The following COG5 variants were observed in gnomAD, a reference collection of about 807,000 sequenced individuals.
COG5 encodes component of oligomeric golgi complex 5.
In COG5, 86 loss-of-function variants were observed where a neutral mutation model predicts 110.4. The observed-to-expected ratio is 0.78, with a 90% CI of 0.65 to 0.93. The LOEUF (loss-of-function observed/expected upper bound fraction) is 0.93. Ranked by LOEUF, COG5 falls within the 40% of genes least tolerant of loss-of-function variation. The pLI, the probability that COG5 is intolerant of heterozygous loss-of-function variation, is 0.00. For synonymous variants in COG5, 360 were observed against 334.6 expected (o/e 1.08, Z -0.83); for missense variants, 1,077 against 987.0 (o/e 1.09, Z -1.22).
chr7:107,537,603 G>A (rs190224367), intron 5 of COG5, among the ~76,000 whole-genome samples: 1 of 152,232 alleles, frequency 6.6e-6, no homozygotes, highest in Admixed American at 6.5e-5. Flanking sequence ...GGGGCCAAGG[G>A]GGAGGGATAG....
chr7:107,370,094 T>C (rs1263825037), intron 8 of COG5, among the ~76,000 whole-genome samples: 1 of 152,140 alleles, frequency 6.6e-6, no homozygotes, highest in Non-Finnish European at 1.5e-5. Context: ...TATTTATATT[T>C]ATATATGTGC....
At chr7:107,342,126 C>T (rs1420431732) in intron 10 of COG5, among the ~76,000 whole-genome samples, 2 of 151,972 alleles carry the variant, frequency 1.3e-5, no homozygotes, top group Non-Finnish European at 2.9e-5. Flanking sequence ...AACTATGCAT[C>T]CAACAAAGGT....
rs1263835882 is a variant in COG5 at position 107,258,255 on chromosome 7, A to C, written c.1686+18T>G. On this transcript the variant is annotated intron_variant, in intron 15 of 21. Coordinates refer to ENST00000297135, the MANE Select transcript of COG5 (RefSeq NM_006348.5). ...AGAATTTAAAATTAAGTAAAAAAAA[A>C]CTTAATAAAATAGTTACCTTTGTTA... is the stretch of plus-strand genomic sequence containing the variant. 5 of 1,468,348 alleles carry C rather than the reference A, an allele frequency of 3.4e-6. No homozygotes were observed. The Admixed American group carries it at 5.0e-5, about 15-fold the overall frequency. The allele number at this position is 1,468,348 out of a possible 1,614,324, so 91.0% of individuals were successfully genotyped here. A position where few individuals can be genotyped will look rare whatever the true frequency, so the allele number is the denominator to read the frequency against.
At chr7:107,456,140 T>C (rs774369178) in intron 6 of COG5, among the ~76,000 whole-genome samples, 3 of 152,088 alleles carry the variant, frequency 2.0e-5, no homozygotes, top group Non-Finnish European at 4.4e-5. Context: ...ATCTGCATGA[T>C]TCAGAATATT....
intron 17 of COG5, among the ~76,000 whole-genome samples, chr7:107,238,502 T>C (rs896259545): frequency 6.6e-6 from 1 of 152,200 alleles, no homozygotes; most frequent in African/African-American, 2.4e-5. Flanking sequence ...TTCAAGTTCT[T>C]AGGTTATGTA....
At chr7:107,270,137 A>T (rs899583543) in intron 14 of COG5, among the ~76,000 whole-genome samples, 9 of 152,182 alleles carry the variant, frequency 5.9e-5, no homozygotes, top group African/African-American at 2.2e-4. Context: ...TCTGAATACT[A>T]ATCAAATTAT....
intron 11 of COG5, among the ~76,000 whole-genome samples, chr7:107,319,003 T>A (rs925439573): frequency 6.6e-6 from 1 of 152,200 alleles, no homozygotes; most frequent in Non-Finnish European, 1.5e-5. Flanking sequence ...ATGTGTCCCA[T>A]GGGTCCTAAG....
chr7:107,512,525 T>A (rs1799600208), intron 6 of COG5, among the ~76,000 whole-genome samples: 1 of 152,186 alleles, frequency 6.6e-6, no homozygotes, highest in Non-Finnish European at 1.5e-5. Flanking sequence ...ATGACTTTCT[T>A]CACAGAATTG....
chr7:107,370,615 G>T (rs1277447205), intron 8 of COG5, among the ~76,000 whole-genome samples: 2 of 151,406 alleles, frequency 1.3e-5, no homozygotes, highest in Admixed American at 1.3e-4. Context: ...ATGAAACCCC[G>T]TCTCTACTAA....
At chr7:107,492,794 C>A (rs1318082225) in intron 6 of COG5, among the ~76,000 whole-genome samples, 1 of 152,156 alleles carries the variant, frequency 6.6e-6, no homozygotes, top group Non-Finnish European at 1.5e-5. Flanking sequence ...AACGTACCTG[C>A]CAAGACCCTT....
intron 8 of COG5, among the ~76,000 whole-genome samples, chr7:107,362,624 T>A (rs1813223759): frequency 1.3e-5 from 2 of 152,052 alleles, no homozygotes; most frequent in African/African-American, 2.4e-5. Context: ...AAATGGAAAT[T>A]GATGAAAATG....
At chr7:107,210,168 C>T (rs1799061023) in intron 21 of COG5, 3 of 1,114,316 alleles carry the variant, frequency 2.7e-6, no homozygotes, top group South Asian at 6.1e-5. Context: ...TGTGTTCCAC[C>T]AATTCAGTAA....
At chr7:107,424,965 G>C (rs2129075519) in intron 6 of COG5, among the ~76,000 whole-genome samples, 1 of 152,134 alleles carries the variant, frequency 6.6e-6, no homozygotes, top group South Asian at 2.1e-4. Flanking sequence ...GGGAATCCTA[G>C]GGTAAACACA....
At chr7:107,226,380 G>A (rs963312735) in intron 19 of COG5, among the ~76,000 whole-genome samples, 3 of 152,128 alleles carry the variant, frequency 2.0e-5, no homozygotes, top group African/African-American at 7.2e-5. Context: ...ATAAGAGTAA[G>A]CTTTTCACTG....
At chr7:107,344,175 CT>C (rs757158392) in intron 10 of COG5, among the ~76,000 whole-genome samples, 6 of 152,304 alleles carry the variant, frequency 3.9e-5, no homozygotes, top group East Asian at 3.9e-4. Flanking sequence ...TCTTCTAAGG[CT>C]ACTTCATCTA....
chr7:107,343,942 T>A (rs527752538), intron 10 of COG5, among the ~76,000 whole-genome samples: 12 of 152,094 alleles, frequency 7.9e-5, no homozygotes, highest in African/African-American at 2.9e-4. Flanking sequence ...TAAACAGATG[T>A]GCTATCCTCC....
chr7:107,377,275 A>C (rs1814719058), intron 7 of COG5, among the ~76,000 whole-genome samples: 2 of 152,188 alleles, frequency 1.3e-5, no homozygotes, highest in Admixed American at 6.5e-5. Flanking sequence ...GATAGATTTT[A>C]TACTTTTCCT....
At chr7:107,514,394 G>C (rs1231522060) in intron 6 of COG5, among the ~76,000 whole-genome samples, 2 of 151,262 alleles carry the variant, frequency 1.3e-5, no homozygotes, top group Non-Finnish European at 2.9e-5. Context: ...GGTTTATTAT[G>C]AGGTTATAGC....
chr7:107,445,579 AAACT>A (rs1202111240), intron 6 of COG5, among the ~76,000 whole-genome samples: 13 of 152,334 alleles, frequency 8.5e-5, no homozygotes, highest in African/African-American at 3.1e-4. Flanking sequence ...AATCTATCAG[AAACT>A]AACTAGCAAG....
Sources: allele counts gnomAD v4.1 joint callset (sites outside exome capture counted in the v4.1 genomes callset), GRCh38; gene constraint gnomAD v4.1.1; transcripts MANE v1.5; gene names NCBI Gene and HGNC (gene_info 2026-07-23, HGNC 2026-07-21).